FMN1: variants seen among roughly 807,000 people sequenced by gnomAD.
FMN1 encodes the protein formin-1.
FMN1 carries 110 observed loss-of-function variants against 132.4 expected under a neutral mutation model. That is an observed-to-expected ratio of 0.83 (90% CI 0.71 to 0.97). FMN1 has a LOEUF of 0.97. Ranked by LOEUF, FMN1 falls within the 50% of genes least tolerant of loss-of-function variation. The probability of loss-of-function intolerance (pLI) is 0.00; values close to 1 mark genes in which losing one functional copy is unlikely to be tolerated. For synonymous variants in FMN1, 722 were observed against 651.7 expected, an observed-to-expected ratio of 1.11 and a Z score of -1.64; for missense variants, 1,792 against 1,705.3, an observed-to-expected ratio of 1.05 and a Z score of -0.90.
intron 9 of FMN1, among the ~76,000 whole-genome samples, chr15:32,936,742 T>C (rs2061282707): frequency 6.6e-6 from 1 of 151,364 alleles, no homozygotes. Flanking sequence ...GAAAAGAAGA[T>C]GGGTGAAGAT....
intron 17 of FMN1, among the ~76,000 whole-genome samples, chr15:32,856,074 G>A (rs1409579985): frequency 1.3e-5 from 2 of 152,218 alleles, no homozygotes; most frequent in African/African-American, 4.8e-5. Context: ...CTGGAATGGA[G>A]TTCCTCTGAC....
intron 9 of FMN1, among the ~76,000 whole-genome samples, chr15:32,958,020 ATTTAT>A (rs1318225540): frequency 6.6e-6 from 1 of 152,092 alleles, no homozygotes; most frequent in African/African-American, 2.4e-5. Context: ...TTAGTAATAA[ATTTAT>A]TTTATTATAG....
intron 6 of FMN1, among the ~76,000 whole-genome samples, chr15:33,019,140 G>A (rs1379377138): frequency 6.6e-6 from 1 of 152,064 alleles, no homozygotes; most frequent in Non-Finnish European, 1.5e-5. Flanking sequence ...GAGCTGATTG[G>A]TCTGTTTTAC....
chr15:32,911,998 T>G (rs186650297), intron 10 of FMN1, among the ~76,000 whole-genome samples: 5 of 152,274 alleles, frequency 3.3e-5, no homozygotes, highest in East Asian at 1.9e-4. Flanking sequence ...CCAGAAACAA[T>G]GTCTATTTTA....
In FMN1 at chr15:32,870,495, G is replaced by A. The variant is rs577415915; in HGVS notation, c.3836-13388C>T. Among the ~76,000 whole-genome samples, 88 of 152,324 alleles carry A rather than the reference G, an allele frequency of 5.8e-4. 1 individual carries two copies. The highest frequency in any genetic ancestry group is 6.8e-3 in the Middle Eastern group (2 of 294). Reference sequence around the variant, plus strand: ...ATTTAAGCAGAGGTGACAGGGCCAAGTGAGGACATGCTAGTGCGCTTTAGG... The same window carrying A: ...ATTTAAGCAGAGGTGACAGGGCCAAATGAGGACATGCTAGTGCGCTTTAGG... On this transcript the variant is annotated intron_variant, in intron 16 of 20. Transcript: ENST00000616417.
At chr15:32,898,403 T>C (rs1453921656) in intron 15 of FMN1, among the ~76,000 whole-genome samples, 1 of 152,224 alleles carries the variant, frequency 6.6e-6, no homozygotes, top group African/African-American at 2.4e-5. Flanking sequence ...GATGGATTTT[T>C]CAAATTCTAC....
At chr15:33,116,846 G>A (rs144802467) in intron 4 of FMN1, among the ~76,000 whole-genome samples, 2 of 152,066 alleles carry the variant, frequency 1.3e-5, no homozygotes, top group African/African-American at 4.8e-5. Context: ...GTCCTTCATA[G>A]AGAAAATGGA....
Position 32,886,268 on chromosome 15 carries a change from G to C in FMN1, c.3835+1904C>G, listed in dbSNP as rs142280402. On this transcript the variant is annotated intron_variant, in intron 16 of 20. Coordinates refer to ENST00000616417, the MANE Select transcript of FMN1 (RefSeq NM_001277313.2). Reference sequence around the variant, plus strand: ...ATTCCATGTGTGTGAGGTGGGGGGAGTCATTTCCTCATTTGCCTTTGTGGT... The same window carrying C: ...ATTCCATGTGTGTGAGGTGGGGGGACTCATTTCCTCATTTGCCTTTGTGGT... Among the ~76,000 whole-genome samples the C allele has an allele frequency of 2.0e-5, 3 of 152,278 alleles. No homozygotes were observed. The East Asian group carries it at 5.8e-4, about 29-fold the overall frequency.
At chr15:33,184,711 C>T (rs1566971058) in intron 2 of FMN1, among the ~76,000 whole-genome samples, 1 of 152,070 alleles carries the variant, frequency 6.6e-6, no homozygotes, top group Admixed American at 6.6e-5. Flanking sequence ...GCCATGTTGG[C>T]CAGGCTGGTC....
intron 4 of FMN1, among the ~76,000 whole-genome samples, chr15:33,125,116 TTA>T (rs1263900991): frequency 0.011 from 1,745 of 152,282 alleles, 28 homozygotes; most frequent in African/African-American, 0.038. Flanking sequence ...CCTTAGAACA[TTA>T]CATCTAGGGA....
chr15:32,993,326 CTA>C (rs1181635762), intron 7 of FMN1, among the ~76,000 whole-genome samples: 1 of 152,144 alleles, frequency 6.6e-6, no homozygotes, highest in African/African-American at 2.4e-5. Flanking sequence ...TATCATTGTT[CTA>C]TGTTTTCTCA....
intron 17 of FMN1, among the ~76,000 whole-genome samples, chr15:32,807,978 G>A (rs28502254): frequency 0.064 from 9,676 of 152,240 alleles, 429 homozygotes; most frequent in Non-Finnish European, 0.095. Flanking sequence ...AAGTCTTCAA[G>A]ATGCTCTAAG....
intron 6 of FMN1, among the ~76,000 whole-genome samples, chr15:33,045,402 G>A (rs1404971172): frequency 6.6e-6 from 1 of 152,226 alleles, no homozygotes; most frequent in African/African-American, 2.4e-5. Flanking sequence ...TCAGGCAAAA[G>A]CACCCCTGGC....
chr15:33,053,293 G>A (rs2141187601), intron 6 of FMN1, among the ~76,000 whole-genome samples: 1 of 152,334 alleles, frequency 6.6e-6, no homozygotes, highest in East Asian at 1.9e-4. Context: ...GGGGCTTTGG[G>A]GTCGCAGGCA....
intron 5 of FMN1, among the ~76,000 whole-genome samples, chr15:33,078,273 G>A (rs931752181): frequency 1.3e-5 from 2 of 152,168 alleles, no homozygotes; most frequent in African/African-American, 4.8e-5. Flanking sequence ...TTCCCCACAG[G>A]AGCTAAATAA....
intron 5 of FMN1, chr15:33,066,408 A>G: frequency 1.0e-6 from 1 of 985,044 alleles, no homozygotes; most frequent in Middle Eastern, 2.2e-4. Context: ...TTCAACTAAA[A>G]GAATCACTAA....
At chr15:32,998,758 T>G (rs1256374093) in intron 7 of FMN1, among the ~76,000 whole-genome samples, 1 of 152,204 alleles carries the variant, frequency 6.6e-6, no homozygotes, top group Admixed American at 6.5e-5. Context: ...GTTCAGGGGT[T>G]AAGACTCAGC....
intron 10 of FMN1, among the ~76,000 whole-genome samples, chr15:32,916,973 C>T (rs1489285746): frequency 6.6e-6 from 1 of 152,134 alleles, no homozygotes. Flanking sequence ...AAACCTACTC[C>T]GTGACCTCTA....
chr15:33,021,908 A>T (rs920045957), intron 6 of FMN1, among the ~76,000 whole-genome samples: 5 of 152,182 alleles, frequency 3.3e-5, no homozygotes, highest in African/African-American at 1.2e-4. Context: ...TAATGGCCAC[A>T]AAACAAATCT....
Sources: allele counts gnomAD v4.1 joint callset (sites outside exome capture counted in the v4.1 genomes callset), GRCh38; gene constraint gnomAD v4.1.1; transcripts MANE v1.5; gene names NCBI Gene and HGNC (gene_info 2026-07-23, HGNC 2026-07-21).